Variants in SMC4 observed in about 807,000 individuals in gnomAD.
The protein encoded by SMC4 is structural maintenance of chromosomes protein 4.
Under a neutral mutation model 145.6 loss-of-function variants are expected in SMC4, and 87 were observed. The observed-to-expected ratio is 0.60, with a 90% confidence interval of 0.50 to 0.71. SMC4 has a LOEUF of 0.71. Among genes scored for constraint, SMC4 ranks in the 30% least tolerant of loss-of-function variants. SMC4 has a pLI of 0.00. For synonymous variants in SMC4, 558 were observed against 500.7 expected (o/e 1.11, Z -1.53); for missense variants, 1,447 against 1,537.1 (o/e 0.94, Z 0.98).
At chr3:160,405,424 A>G (rs1221977327) in intron 5 of SMC4, among the ~76,000 whole-genome samples, 2 of 152,064 alleles carry the variant, frequency 1.3e-5, no homozygotes, top group Non-Finnish European at 2.9e-5. Flanking sequence ...AGCATAATAA[A>G]AGCAAAACTA....
intron 8 of SMC4, 147 bp from the exon 9 acceptor site, chr3:160,414,220 G>A: frequency 1.4e-6 from 1 of 703,518 alleles, no homozygotes; most frequent in Non-Finnish European, 2.6e-6. Flanking sequence ...ATGGGGAGAG[G>A]GATCATCTTG....
chr3:160,401,907 T>G lies in SMC4; in HGVS notation c.140-8T>G. On this transcript the variant is annotated splice_polypyrimidine_tract_variant and splice_region_variant and intron_variant, in intron 2 of 23. Coordinates refer to ENST00000357388, the MANE Select transcript of SMC4 (RefSeq NM_001002800.3). Reference sequence around the variant, plus strand: ...TGCCTTCGTTTTCCTTTCCTTTCACTGACTTAGAGACTGCAAGTGAGGAAC... The same window carrying G: ...TGCCTTCGTTTTCCTTTCCTTTCACGGACTTAGAGACTGCAAGTGAGGAAC... 1 of 1,564,224 alleles carries G rather than the reference T, an allele frequency of 6.4e-7. No homozygotes were observed. Among genetic ancestry groups the G allele is most frequent in the South Asian group, 1.2e-5 (1 of 82,500 alleles).
At chr3:160,404,898 A>G in intron 5 of SMC4, 1 of 379,696 alleles carries the variant, frequency 2.6e-6, no homozygotes, top group Non-Finnish European at 5.3e-6. Flanking sequence ...AATGTATTAT[A>G]TTTTAATCTA....
At chr3:160,402,594 T>C (rs1034240968) in intron 3 of SMC4, 82 bp from the exon 4 acceptor site, 8 of 1,416,050 alleles carry the variant, frequency 5.6e-6, no homozygotes, top group Non-Finnish European at 7.6e-6. Context: ...AGTAAAAAAA[T>C]CTAACAGTTT....
At chr3:160,416,552 C>CTAAGT in intron 10 of SMC4, 137 bp downstream of exon 10, 1 of 492,948 alleles carries the variant, frequency 2.0e-6, no homozygotes, top group Non-Finnish European at 3.5e-6. Context: ...AACTAGTCAA[C>CTAAGT]CTAGACTTAG....
Position 160,413,620 on chromosome 3 carries a change from A to C in SMC4, c.1121+7A>C. The C allele has an allele frequency of 7.6e-7, 1 of 1,315,388 alleles. No individual in the cohort carries two copies. The highest frequency in any genetic ancestry group is 2.4e-5 in the East Asian group (1 of 41,246). The allele number at this position is 1,315,388 out of a possible 1,614,324, so 81.5% of individuals were successfully genotyped here. On this transcript the variant is annotated splice_region_variant and intron_variant, in intron 8 of 23. Transcript: ENST00000357388. Reference sequence around the variant, plus strand: ...ATGTAAAAGATACAGAAAAGTAATAATATTTTGGGAAGTACTAAAAGTATT... The same window carrying C: ...ATGTAAAAGATACAGAAAAGTAATACTATTTTGGGAAGTACTAAAAGTATT...
chr3:160,428,702 A>G (rs369624020), intron 17 of SMC4, 51 bp from the exon 18 acceptor site: 620 of 1,490,406 alleles, frequency 4.2e-4, no homozygotes, highest in Middle Eastern at 6.9e-4. Context: ...CTAACAAATG[A>G]TGTTCATTAG....
intron 5 of SMC4, among the ~76,000 whole-genome samples, chr3:160,408,228 T>C (rs1444446187): frequency 2.0e-5 from 3 of 152,230 alleles, no homozygotes; most frequent in Non-Finnish European, 4.4e-5. Context: ...AGCTATGTAC[T>C]GTTTGAGTTT....
intron 5 of SMC4, among the ~76,000 whole-genome samples, chr3:160,405,629 T>A (rs1056143526): frequency 6.6e-6 from 1 of 152,080 alleles, no homozygotes; most frequent in African/African-American, 2.4e-5. Flanking sequence ...TAACCTTTTT[T>A]AATATCTTTT....
Position 160,421,965 on chromosome 3 carries a change from C to T in SMC4, c.2019+1064C>T, listed in dbSNP as rs527750261. ...TTATCTACATATAAATGGAATCATA[C>T]AATATATGGCCTTTTTATACAGCTA... On this transcript the variant is annotated intron_variant, in intron 13 of 23. Transcript: ENST00000357388. Among the ~76,000 whole-genome samples the T allele has an allele frequency of 5.3e-5, 8 of 152,230 alleles. No individual in the cohort carries two copies. The South Asian group carries it at 1.7e-3, about 32-fold the overall frequency.
chr3:160,414,757 C>A (rs1178578765), intron 9 of SMC4, among the ~76,000 whole-genome samples: 1 of 152,034 alleles, frequency 6.6e-6, no homozygotes, highest in African/African-American at 2.4e-5. Context: ...AGTCTGTTGT[C>A]CAGGCTAGCG....
chr3:160,428,949 TATGC>T lies in SMC4; in HGVS notation c.2795+11_2795+14del, dbSNP rs769280428. Reference sequence around the variant, plus strand: ...CAATCAAGACTGCTGACAGGTAGAGTATGCATGTTACCCTAACTTGTTTTCCCTT... The same window carrying T: ...CAATCAAGACTGCTGACAGGTAGAGTATGTTACCCTAACTTGTTTTCCCTT... On this transcript the variant is annotated splice_region_variant and intron_variant, in intron 18 of 23. Transcript: ENST00000357388. The T allele has an allele frequency of 2.0e-5, 31 of 1,568,366 alleles. 1 individual carries two copies. In the South Asian group the frequency reaches 3.6e-4, roughly 18 times the overall value.
rs1025849656 is a variant in SMC4 at position 160,414,041 on chromosome 3, G to T, written c.1122-326G>T. ...AAAAAATTTGTATAGTAAGTTTATTGTATAGTAACTTGTAAGTATATTCGT... is the reference window on the plus strand; with the variant it reads ...AAAAAATTTGTATAGTAAGTTTATTTTATAGTAACTTGTAAGTATATTCGT... On this transcript the variant is annotated intron_variant, in intron 8 of 23. Coordinates refer to ENST00000357388, the MANE Select transcript of SMC4 (RefSeq NM_001002800.3). The T allele has an allele frequency of 7.6e-6, 3 of 395,684 alleles. No individual in the cohort carries two copies. In the Admixed American group the frequency reaches 1.3e-4, roughly 17 times the overall value. 24.5% of individuals were successfully genotyped at this position (395,684 alleles called of 1,614,324 possible). A position where few individuals can be genotyped will look rare whatever the true frequency, so the allele number is the denominator to read the frequency against.
At chr3:160,400,519 A>ATGGGCG (rs1220744028) in intron 1 of SMC4, 1 of 307,924 alleles carries the variant, frequency 3.2e-6, no homozygotes, top group African/African-American at 2.2e-5. Context: ...TTATACGCTT[A>ATGGGCG]TACTATGGGC....
At position 160,425,141 on chromosome 3, in the gene SMC4, CTATAGG is replaced by C. The variant is rs1193072376; in HGVS notation, c.2478+123_2478+128del. ...ATTAAATATATAAGGGAGGGAGGAT[CTATAGG>C]CAGATATAACTCTTGATGATTTTGT... On this transcript the variant is annotated intron_variant, in intron 16 of 23. Coordinates refer to ENST00000357388, the MANE Select transcript of SMC4 (RefSeq NM_001002800.3). The C allele has an allele frequency of 7.1e-5, 95 of 1,346,272 alleles. No individual in the cohort carries two copies. In the African/African-American group the frequency reaches 1.3e-3, roughly 19 times the overall value. 83.4% of individuals were successfully genotyped at this position (1,346,272 alleles called of 1,614,324 possible).
intron 5 of SMC4, among the ~76,000 whole-genome samples, chr3:160,405,753 G>C (rs565436393): frequency 1.3e-5 from 2 of 151,970 alleles, no homozygotes. Flanking sequence ...ATAGAATGTG[G>C]CATTAAAGGA....
chr3:160,427,427 C>T (rs763562134), intron 17 of SMC4, among the ~76,000 whole-genome samples: 4 of 152,240 alleles, frequency 2.6e-5, no homozygotes, highest in Admixed American at 6.5e-5. Context: ...CTGAGGCCTT[C>T]ACCCACACTC....
chr3:160,426,058 TA>T lies in SMC4; in HGVS notation c.2479-12del. ...ATGTTAAAATATTGACCTTAAATGTTAAAACTTTTTTGTAGCGTTTAATAGA... is the reference window on the plus strand; with the variant it reads ...ATGTTAAAATATTGACCTTAAATGTTAAACTTTTTTGTAGCGTTTAATAGA... On this transcript the variant is annotated splice_polypyrimidine_tract_variant and intron_variant, in intron 16 of 23. Transcript: ENST00000357388. The T allele has an allele frequency of 3.2e-6, 5 of 1,564,864 alleles. No homozygotes were observed. Among genetic ancestry groups the T allele is most frequent in the Non-Finnish European group, 4.3e-6 (5 of 1,158,122 alleles).
rs1718435180 is a variant in SMC4, at chr3:160,431,795, C to T, written c.3267C>T (p.Asn1089=). The T allele has an allele frequency of 1.2e-6, 2 of 1,613,652 alleles. No homozygotes were observed. The highest frequency in any genetic ancestry group is 1.7e-6 in the Non-Finnish European group (2 of 1,179,926). The change falls in exon 21 of 24, where the codon AAC becomes AAT. Residue 1089 remains asparagine, a synonymous_variant. Transcript: ENST00000357388. ...LEARCHEMKP[N]LGAIAEYKKK... is the part of the protein sequence containing the mutation. The stretch of plus-strand genomic sequence containing the variant: ...CCCGGTGTCATGAAATGAAACCAAA[C>T]CTCGGTGCCATCGCAGAGTATAAAA...
Sources: allele counts gnomAD v4.1 joint callset (sites outside exome capture counted in the v4.1 genomes callset), GRCh38; gene constraint gnomAD v4.1.1; transcripts MANE v1.5; gene names NCBI Gene and HGNC (gene_info 2026-07-23, HGNC 2026-07-21).